The following VWA2 variants were observed in gnomAD, a reference collection of about 807,000 sequenced individuals.
The protein encoded by VWA2 is von Willebrand factor A domain containing 2, also known as von Willebrand factor A domain-containing protein 2.
VWA2 carries 73 observed loss-of-function variants against 70.4 expected under a neutral mutation model. The observed-to-expected ratio is 1.04, with a 90% CI of 0.86 to 1.26. The LOEUF is 1.26. VWA2 is among the 50% of genes most tolerant of loss of function. VWA2 has a pLI of 0.00. For synonymous variants in VWA2, 407 were observed against 423.3 expected, an observed-to-expected ratio of 0.96 and a Z score of 0.47; for missense variants, 1,011 against 998.5, an observed-to-expected ratio of 1.01 and a Z score of -0.17.
At chr10:114,251,171 T>C (rs979697773) in intron 2 of VWA2, among the ~76,000 whole-genome samples, 1 of 152,250 alleles carries the variant, frequency 6.6e-6, no homozygotes, top group African/African-American at 2.4e-5. Context: ...GCGTCACCCA[T>C]CCTGCAGACT....
In VWA2 at chr10:114,273,059, C is replaced by T. The variant is rs1007905933; in HGVS notation, c.566+125C>T. On this transcript the variant is annotated intron_variant, in intron 6 of 13. Transcript: ENST00000392982. ...GGTCCTTCCCTGGATCTGTCTTTTC[C>T]TCACTTTGCCATTTTGACTCCAGTG... is the stretch of plus-strand genomic sequence containing the variant. 1.6e-5 allele frequency: 12 copies of T among 739,078 alleles called. No individual in the cohort carries two copies. The South Asian group carries it at 3.1e-4, about 19-fold the overall frequency. 45.8% of individuals were successfully genotyped at this position (739,078 alleles called of 1,614,324 possible).
intron 9 of VWA2, 132 bp downstream of exon 9, chr10:114,282,703 TG>T (rs908820014): frequency 9.5e-6 from 7 of 733,492 alleles, no homozygotes; most frequent in Non-Finnish European, 9.7e-6. Context: ...ATGGGGCACT[TG>T]GGGGGCAGAG....
intron 1 of VWA2, among the ~76,000 whole-genome samples, chr10:114,244,143 T>C (rs1371490324): frequency 1.3e-5 from 2 of 152,186 alleles, no homozygotes; most frequent in African/African-American, 4.8e-5. Flanking sequence ...CCCTGGTAAA[T>C]CTCATCTTGT....
chr10:114,260,276 T>C (rs1012426694), intron 4 of VWA2, among the ~76,000 whole-genome samples: 3 of 152,290 alleles, frequency 2.0e-5, no homozygotes, highest in Admixed American at 1.3e-4. Flanking sequence ...CAGTTTCCTT[T>C]CTCCAGTTTT....
chr10:114,273,051 G>A (rs758097033), intron 6 of VWA2, 117 bp downstream of exon 6: 3 of 813,480 alleles, frequency 3.7e-6, no homozygotes, highest in East Asian at 3.0e-5. Context: ...CCCTGGATCT[G>A]TCTTTTCCTC....
chr10:114,255,517 A>C (rs1314014275), intron 4 of VWA2, among the ~76,000 whole-genome samples: 1 of 152,168 alleles, frequency 6.6e-6, no homozygotes. Flanking sequence ...GGTAGGGAGT[A>C]GATTTGACTT....
At position 114,285,910 on chromosome 10, in the gene VWA2, G is replaced by A. The variant is rs9804371; in HGVS notation, c.998-29G>A. 1.2e-3 allele frequency: 1,810 copies of A among 1,554,356 alleles called. 15 individuals carry two copies. The African/African-American group carries it at 0.022, about 19-fold the overall frequency. On this transcript the variant is annotated intron_variant, in intron 10 of 13. Transcript: ENST00000392982. ...CTCGCATGCCGCATGACCATGGCTT[G>A]ACAGTGGGTGTTGCTGTGATCCCCG...
intron 8 of VWA2, 137 bp downstream of exon 8, chr10:114,278,988 A>T: frequency 2.2e-6 from 3 of 1,357,940 alleles, no homozygotes; most frequent in Non-Finnish European, 3.0e-6. Context: ...GGAGCCAGGG[A>T]CGTAGCCATG....
chr10:114,245,234 G>A (rs1439826823), intron 1 of VWA2, among the ~76,000 whole-genome samples: 1 of 152,142 alleles, frequency 6.6e-6, no homozygotes, highest in African/African-American at 2.4e-5. Flanking sequence ...ACATGCAGCT[G>A]GGCAAGCAGA....
chr10:114,248,661 A>C, intron 1 of VWA2, 43 bp from the exon 2 acceptor site: 4 of 1,565,906 alleles, frequency 2.6e-6, no homozygotes, highest in Non-Finnish European at 3.5e-6. Context: ...GCGTTCACAG[A>C]ACTAATTGCT....
intron 7 of VWA2, 98 bp from the exon 8 acceptor site, chr10:114,278,621 C>T: frequency 1.9e-6 from 3 of 1,542,690 alleles, no homozygotes; most frequent in Non-Finnish European, 2.6e-6. Flanking sequence ...TGTGGTGGAA[C>T]CTCCCAGGAG....
chr10:114,291,797 G>A lies in VWA2; in HGVS notation c.*560G>A, dbSNP rs2039627150. 2.0e-5 allele frequency among the ~76,000 whole-genome samples: 3 copies of A among 152,212 alleles called. No individual in the cohort carries two copies. Among genetic ancestry groups the A allele is most frequent in the Admixed American group, 6.5e-5 (1 of 15,282 alleles). ...CTGAAAGGGGGCTTGAGGGACGTTTGTGACTTCTGGCGACTGCCTTTTGTG... is the reference window on the plus strand; with the variant it reads ...CTGAAAGGGGGCTTGAGGGACGTTTATGACTTCTGGCGACTGCCTTTTGTG... On this transcript the variant is annotated 3_prime_UTR_variant, in exon 14 of 14. Transcript: ENST00000392982.
chr10:114,291,745 G>C lies in VWA2; in HGVS notation c.*508G>C, dbSNP rs560740568. ...GCAGCAGCTTTTCCACTTCCCCAGA[G>C]ACATTCTGGATGCATTTGCATTGAG... On this transcript the variant is annotated 3_prime_UTR_variant, in exon 14 of 14. Coordinates refer to ENST00000392982, the MANE Select transcript of VWA2 (RefSeq NM_001272046.2). Among the ~76,000 whole-genome samples, 20 of 152,358 alleles carry C rather than the reference G, an allele frequency of 1.3e-4. No individual in the cohort carries two copies. In the East Asian group the frequency reaches 2.9e-3, roughly 22 times the overall value.
chr10:114,273,810 C>G (rs1318279524), intron 6 of VWA2, among the ~76,000 whole-genome samples: 1 of 152,140 alleles, frequency 6.6e-6, no homozygotes, highest in African/African-American at 2.4e-5. Flanking sequence ...TCCCTGCCCT[C>G]ATGGAGTTTC....
At chr10:114,257,261 G>A (rs1170969008) in intron 4 of VWA2, among the ~76,000 whole-genome samples, 1 of 152,158 alleles carries the variant, frequency 6.6e-6, no homozygotes, top group Non-Finnish European at 1.5e-5. Flanking sequence ...AAAGGGCCAG[G>A]CAAGAAGCGC....
chr10:114,288,157 G>A (rs1385684282), intron 11 of VWA2, among the ~76,000 whole-genome samples: 1 of 152,172 alleles, frequency 6.6e-6, no homozygotes, highest in Non-Finnish European at 1.5e-5. Context: ...CCCCTGCACA[G>A]GAGAGGCCTT....
chr10:114,266,649 C>T (rs2037573666), intron 5 of VWA2, among the ~76,000 whole-genome samples: 1 of 152,160 alleles, frequency 6.6e-6, no homozygotes, highest in Non-Finnish European at 1.5e-5. Context: ...CAAGATAAGA[C>T]CTGGCTGGTG....
rs367964813 is a variant in VWA2, at chr10:114,289,388, G to T, written c.2021G>T (p.Gly674Val). The change falls in exon 12 of 14, where the codon GGT becomes GTT. Residue 674 changes from glycine to valine, a missense_variant. Coordinates refer to ENST00000392982, the MANE Select transcript of VWA2 (RefSeq NM_001272046.2). The stretch of plus-strand genomic sequence containing the variant: ...GGCGTGGGGCCTGTCCTAAGTGAGG[G>T]TCTGCGGAGGCTTGCAGGTCCCCGG... The part of the protein sequence containing the change: ...VVGVGPVLSE[G>V]LRRLAGPRDS... 6.2e-7 allele frequency: 1 copy of T among 1,614,212 alleles called. No homozygotes were observed. The highest frequency in any genetic ancestry group is 8.5e-7 in the Non-Finnish European group (1 of 1,180,040).
chr10:114,288,828 C>G, intron 11 of VWA2, 110 bp from the exon 12 acceptor site: 5 of 1,133,596 alleles, frequency 4.4e-6, no homozygotes, highest in Non-Finnish European at 6.3e-6. Context: ...CTGCAGTGAA[C>G]AGAGCACCCT....
Sources: allele counts gnomAD v4.1 joint callset (sites outside exome capture counted in the v4.1 genomes callset), GRCh38; gene constraint gnomAD v4.1.1; transcripts MANE v1.5; gene names NCBI Gene and HGNC (gene_info 2026-07-23, HGNC 2026-07-21).